The following CEP85 variants were observed in gnomAD, a reference collection of about 807,000 sequenced individuals.
CEP85 encodes centrosomal protein 85.
A neutral mutation model predicts 93.7 loss-of-function variants in CEP85; 58 were observed. The observed-to-expected ratio is 0.62, with a 90% confidence interval of 0.50 to 0.77. CEP85 has a LOEUF of 0.77. Ranked by LOEUF, CEP85 falls within the 30% of genes least tolerant of loss-of-function variation. CEP85 has a pLI of 0.00. For missense variants in CEP85, 868 were observed against 922.0 expected (o/e 0.94, Z 0.76); for synonymous variants, 314 against 338.6 (o/e 0.93, Z 0.80).
At chr1:26,254,375 C>G (rs994233926) in intron 3 of CEP85, among the ~76,000 whole-genome samples, 1 of 151,630 alleles carries the variant, frequency 6.6e-6, no homozygotes, top group Non-Finnish European at 1.5e-5. Context: ...GGGTTGTCTC[C>G]CAAGACCAGG....
chr1:26,243,991 C>CA (rs58751883), intron 2 of CEP85, among the ~76,000 whole-genome samples, 175 bp from the exon 3 acceptor site: 1,942 of 108,120 alleles, frequency 0.018, 304 homozygotes, highest in African/African-American at 0.066. Context: ...GACTCCGTCT[C>CA]AAAAAAAAAA....
intron 3 of CEP85, among the ~76,000 whole-genome samples, chr1:26,250,983 T>C (rs1484383439): frequency 1.6e-5 from 2 of 124,274 alleles, no homozygotes; most frequent in Non-Finnish European, 3.2e-5. Flanking sequence ...TTTCTGTCAC[T>C]CAGGCTGGAG....
chr1:26,272,631 T>G (rs1232707883), intron 11 of CEP85, among the ~76,000 whole-genome samples: 1 of 138,204 alleles, frequency 7.2e-6, no homozygotes, highest in African/African-American at 2.8e-5. Flanking sequence ...TTTTTTTTTT[T>G]TTTTTTTTTT....
intron 2 of CEP85, among the ~76,000 whole-genome samples, chr1:26,242,159 G>A (rs1472261875): frequency 6.6e-6 from 1 of 152,210 alleles, no homozygotes; most frequent in Non-Finnish European, 1.5e-5. Flanking sequence ...ATTAGGGTAT[G>A]GAGTAGGTGG....
At chr1:26,248,744 T>TTTTTTTTTTTA (rs397979716) in intron 3 of CEP85, among the ~76,000 whole-genome samples, 1 of 142,382 alleles carries the variant, frequency 7.0e-6, no homozygotes, top group African/African-American at 2.7e-5. Context: ...TTTTTTTTTT[T>TTTTTTTTTTTA]GAGACCGAGT....
intron 6 of CEP85, among the ~76,000 whole-genome samples, chr1:26,258,861 C>T (rs2089763642): frequency 6.6e-6 from 1 of 152,130 alleles, no homozygotes; most frequent in Non-Finnish European, 1.5e-5. Flanking sequence ...TCCCAAAGTG[C>T]TGGGATTACA....
chr1:26,276,489 C>T, intron 12 of CEP85, 46 bp from the exon 13 acceptor site: 1 of 1,464,430 alleles, frequency 6.8e-7, no homozygotes, highest in Non-Finnish European at 9.6e-7. Context: ...GATACTCTTC[C>T]TCTCCCTGGG....
rs564147707 is a variant in CEP85, at chr1:26,254,067, TTTG to T, written c.209-1095_209-1093del. On this transcript the variant is annotated intron_variant, in intron 3 of 13. Coordinates refer to ENST00000451429, the MANE Select transcript of CEP85 (RefSeq NM_001319944.2). ...CATAATTCTGGGAACAATTATAGTA[TTTG>T]TTGTTGTTATCTGAGTGTTCTCTGT... is the stretch of plus-strand genomic sequence containing the variant. Among the ~76,000 whole-genome samples, 207 of 152,196 alleles carry T rather than the reference TTTG, an allele frequency of 1.4e-3. 1 individual carries two copies. Among genetic ancestry groups the T allele is most frequent in the Non-Finnish European group, 2.5e-3 (168 of 68,000 alleles).
At position 26,234,878 on chromosome 1, in the gene CEP85, G is replaced by A. The variant is rs115989039; in HGVS notation, c.-23+568G>A. Among the ~76,000 whole-genome samples, 1,255 of 152,324 alleles carry A rather than the reference G, an allele frequency of 8.2e-3. 10 individuals are homozygous for A. The highest frequency in any genetic ancestry group is 0.014 in the Non-Finnish European group (934 of 68,032). ...CGATTTTGCTTCCCTGGGGACATTG[G>A]TCGATGTCTGGAAACACTTTTGATA... On this transcript the variant is annotated intron_variant, in intron 1 of 13. Transcript: ENST00000451429.
At chr1:26,249,138 G>T (rs1342328151) in intron 3 of CEP85, among the ~76,000 whole-genome samples, 1 of 152,210 alleles carries the variant, frequency 6.6e-6, no homozygotes, top group East Asian at 1.9e-4. Flanking sequence ...CTGGAGTGCA[G>T]TGGCATGATC....
intron 7 of CEP85, among the ~76,000 whole-genome samples, chr1:26,263,695 A>G (rs1403130249): frequency 1.3e-5 from 2 of 152,116 alleles, no homozygotes; most frequent in Non-Finnish European, 2.9e-5. Context: ...AAAAAAGGAA[A>G]AAGATCAGTA....
intron 4 of CEP85, 40 bp from the exon 5 acceptor site, chr1:26,257,557 G>C (rs761353387): frequency 1.9e-6 from 3 of 1,610,706 alleles, no homozygotes; most frequent in Non-Finnish European, 2.5e-6. Flanking sequence ...AGGCGTGTAT[G>C]GGTCAAGATC....
rs756731458 is a variant in CEP85, at chr1:26,272,093, A to G, written c.1794+22A>G. On this transcript the variant is annotated intron_variant, in intron 11 of 13. Coordinates refer to ENST00000451429, the MANE Select transcript of CEP85 (RefSeq NM_001319944.2). The stretch of plus-strand genomic sequence containing the variant: ...ACAGGTGAGCAGGAATCCTTGGGAC[A>G]TGGTGGGCAGAACTTAATGATGGAA... 7 of 1,609,884 alleles carry G rather than the reference A, an allele frequency of 4.3e-6. No individual in the cohort carries two copies. The African/African-American group carries it at 6.7e-5, about 15-fold the overall frequency.
At chr1:26,253,768 A>T (rs753440267) in intron 3 of CEP85, among the ~76,000 whole-genome samples, 1 of 151,574 alleles carries the variant, frequency 6.6e-6, no homozygotes, top group Non-Finnish European at 1.5e-5. Flanking sequence ...AAGGCCGGGC[A>T]TGGTGGCTCA....
Position 26,278,009 on chromosome 1 carries a change from G to T in CEP85, c.*716G>T, listed in dbSNP as rs1385439455. ...TTTAGTGTGCTAAACTTTCTCCTTT[G>T]TTCTCAGGCCTTCCAGGTAGTCCCC... On this transcript the variant is annotated 3_prime_UTR_variant, in exon 14 of 14. Transcript: ENST00000451429. 6.6e-6 allele frequency: 1 copy of T among 152,574 alleles called. No homozygotes were observed. The highest frequency in any genetic ancestry group is 2.4e-5 in the African/African-American group (1 of 41,410). The allele number at this position is 152,574 out of a possible 1,614,324, so 9.5% of individuals were successfully genotyped here.
At chr1:26,258,032 G>A in intron 5 of CEP85, 111 bp from the exon 6 acceptor site, 1 of 762,184 alleles carries the variant, frequency 1.3e-6, no homozygotes, top group South Asian at 1.7e-5. Flanking sequence ...AGAAAATAGT[G>A]ATATCCAGAA....
At position 26,259,932 on chromosome 1, in the gene CEP85, C is replaced by T; in HGVS notation, c.1341+130C>T. On this transcript the variant is annotated intron_variant, in intron 7 of 13. Transcript: ENST00000451429. ...GGTGAGATCCTCCACTGGCTTCTCA[C>T]ACAGAATCGTCACAGATCTCCTTTT... 3 of 688,248 alleles carry T rather than the reference C, an allele frequency of 4.4e-6. No individual in the cohort carries two copies. In the East Asian group the frequency reaches 8.5e-5, roughly 19 times the overall value. 42.6% of individuals were successfully genotyped at this position (688,248 alleles called of 1,614,324 possible).
intron 2 of CEP85, among the ~76,000 whole-genome samples, chr1:26,242,440 C>G (rs1439761699): frequency 6.6e-6 from 1 of 152,160 alleles, no homozygotes; most frequent in Non-Finnish European, 1.5e-5. Flanking sequence ...CCTGTGTCTT[C>G]TATAACAATT....
intron 3 of CEP85, among the ~76,000 whole-genome samples, chr1:26,248,720 C>G (rs2089550699): frequency 3.2e-5 from 1 of 30,844 alleles, no homozygotes; most frequent in Admixed American, 2.9e-4. Flanking sequence ...GGGTCTTGAA[C>G]TCTTTTTTTT....
Sources: gnomAD v4.1 joint callset for allele counts (sites outside exome capture counted in the v4.1 genomes callset) on GRCh38, gnomAD v4.1.1 for gene constraint, MANE v1.5 for transcripts, NCBI Gene and HGNC (gene_info 2026-07-23, HGNC 2026-07-21) for gene names.